The following ADAMTSL1 variants were observed in gnomAD, a reference collection of about 807,000 sequenced individuals.
ADAMTSL1 encodes the protein ADAMTS-like protein 1.
Under a neutral mutation model 201.8 loss-of-function variants are expected in ADAMTSL1, and 126 were observed. The ratio of observed to expected loss-of-function variants is 0.62; its 90% CI spans 0.54 to 0.72. The LOEUF (loss-of-function observed/expected upper bound fraction) is 0.72. Ranked by LOEUF, ADAMTSL1 falls within the 30% of genes least tolerant of loss-of-function variation. The pLI is 0.00. For synonymous variants in ADAMTSL1, 1,121 were observed against 903.4 expected (o/e 1.24, Z -4.32); for missense variants, 2,679 against 2,277.8 (o/e 1.18, Z -3.59).
intron 2 of ADAMTSL1, among the ~76,000 whole-genome samples, chr9:18,337,030 G>C (rs531722962): frequency 1.3e-5 from 2 of 152,194 alleles, no homozygotes; most frequent in African/African-American, 2.4e-5. Context: ...TGGATTGAAG[G>C]CTGCAAAGTA....
intron 1 of ADAMTSL1, among the ~76,000 whole-genome samples, chr9:17,977,691 T>G (rs117507405): frequency 7.9e-4 from 120 of 152,240 alleles, no homozygotes; most frequent in Non-Finnish European, 1.4e-3. Context: ...TTCTCTTTTT[T>G]TCTTAGTCTA....
chr9:18,109,733 A>C (rs1207679748), intron 1 of ADAMTSL1, among the ~76,000 whole-genome samples: 1 of 152,052 alleles, frequency 6.6e-6, no homozygotes, highest in Non-Finnish European at 1.5e-5. Context: ...CGGAACTTGA[A>C]CCCAATGTCC....
chr9:18,626,850 T>A (rs1564099540), intron 5 of ADAMTSL1, among the ~76,000 whole-genome samples: 15 of 133,156 alleles, frequency 1.1e-4, no homozygotes, highest in Admixed American at 6.6e-4. Context: ...TTTCTTTCTT[T>A]CTTTCTTTCT....
intron 4 of ADAMTSL1, among the ~76,000 whole-genome samples, chr9:18,592,630 T>C (rs1478636482): frequency 1.3e-5 from 2 of 152,208 alleles, no homozygotes; most frequent in African/African-American, 4.8e-5. Flanking sequence ...TATATCTCTG[T>C]AGTAAAATTT....
At position 18,328,356 on chromosome 9, in the gene ADAMTSL1, T is replaced by A. The variant is rs564032775; in HGVS notation, c.207+164375T>A. On this transcript the variant is annotated intron_variant, in intron 2 of 29. Coordinates refer to the ADAMTSL1 transcript ENST00000680146. ...AGTTATTTTCCTGTTTGTCTCTTTT[T>A]CTATATTCAATGTCCCTGAGGACAT... 9.3e-4 allele frequency among the ~76,000 whole-genome samples: 142 copies of A among 152,366 alleles called. No homozygotes were observed. In the Middle Eastern group the frequency reaches 0.014, roughly 15 times the overall value.
chr9:18,644,453 T>C (rs557439472), intron 7 of ADAMTSL1, among the ~76,000 whole-genome samples: 3 of 152,212 alleles, frequency 2.0e-5, no homozygotes, highest in Non-Finnish European at 2.9e-5. Flanking sequence ...TAGTTACATA[T>C]GTATACATGT....
At chr9:18,318,961 C>T (rs1293643562) in intron 2 of ADAMTSL1, among the ~76,000 whole-genome samples, 1 of 152,160 alleles carries the variant, frequency 6.6e-6, no homozygotes, top group Non-Finnish European at 1.5e-5. Context: ...GTAATCCTAA[C>T]ACTTTGGGAG....
At chr9:18,366,366 G>C (rs763713950) in intron 2 of ADAMTSL1, among the ~76,000 whole-genome samples, 1 of 151,044 alleles carries the variant, frequency 6.6e-6, no homozygotes, top group African/African-American at 2.4e-5. Context: ...CGTGTGCCTT[G>C]GGTTATTTTT....
intron 1 of ADAMTSL1, among the ~76,000 whole-genome samples, chr9:18,019,838 TAG>T (rs1465901909): frequency 6.6e-6 from 1 of 151,840 alleles, no homozygotes; most frequent in African/African-American, 2.4e-5. Context: ...ACTTATAGAG[TAG>T]AGTCCAAAGC....
rs556028273 is a variant in ADAMTSL1 at position 18,502,718 on chromosome 9, G to C, written c.64-2111G>C. Among the ~76,000 whole-genome samples the C allele has an allele frequency of 2.6e-5, 4 of 152,238 alleles. No individual in the cohort carries two copies. In the East Asian group the frequency reaches 7.7e-4, roughly 29 times the overall value. Reference sequence around the variant, plus strand: ...CCACATTTTATAGGAACATAAAACTGCTAGCAGATTACATCACCAGGCAGA... The same window carrying C: ...CCACATTTTATAGGAACATAAAACTCCTAGCAGATTACATCACCAGGCAGA... On this transcript the variant is annotated intron_variant, in intron 1 of 28. Transcript: ENST00000380548.
At position 18,829,970 on chromosome 9, in the gene ADAMTSL1, T is replaced by C. The variant is rs1292356443; in HGVS notation, c.4242T>C (p.Ala1414=). Residue 1414 remains alanine, a synonymous_variant, in exon 23 of 29, where the codon GCT becomes GCC. Transcript: ENST00000380548. Reference sequence around the variant, plus strand: ...TGGTCCTGGATCCTGGGAATTCTGCTCTCCTTGGTGAGTCTAACCCTCGGA... The same window carrying C: ...TGGTCCTGGATCCTGGGAATTCTGCCCTCCTTGGTGAGTCTAACCCTCGGA... ...TQLVLDPGNS[A]LLGCPIKGHP... 6.2e-7 allele frequency: 1 copy of C among 1,610,064 alleles called. No homozygotes were observed. Among genetic ancestry groups the C allele is most frequent in the Admixed American group, 1.7e-5 (1 of 59,324 alleles).
intron 2 of ADAMTSL1, among the ~76,000 whole-genome samples, chr9:18,315,155 T>C (rs894614023): frequency 3.3e-5 from 5 of 152,122 alleles, no homozygotes; most frequent in African/African-American, 7.2e-5. Context: ...AGGGTGCTGA[T>C]TGGTGCATTT....
intron 2 of ADAMTSL1, among the ~76,000 whole-genome samples, chr9:18,348,058 C>T (rs1394170401): frequency 6.6e-6 from 1 of 152,188 alleles, no homozygotes; most frequent in Admixed American, 6.6e-5. Flanking sequence ...TTAAAAGCTT[C>T]CTTCCAAAAT....
chr9:18,845,153 C>T (rs187527073), intron 23 of ADAMTSL1, among the ~76,000 whole-genome samples: 14 of 152,344 alleles, frequency 9.2e-5, no homozygotes, highest in Admixed American at 1.3e-4. Context: ...GAGCTGTAGA[C>T]CGGAGCTGTT....
intron 1 of ADAMTSL1, among the ~76,000 whole-genome samples, chr9:18,151,268 G>A (rs1256304342): frequency 6.6e-6 from 1 of 152,066 alleles, no homozygotes; most frequent in Non-Finnish European, 1.5e-5. Context: ...AATGTGGGGG[G>A]AGTAAATGTC....
chr9:18,152,516 A>T (rs1022516331), intron 1 of ADAMTSL1, among the ~76,000 whole-genome samples: 6 of 152,034 alleles, frequency 3.9e-5, no homozygotes, highest in African/African-American at 1.4e-4. Context: ...GCCCATTGAC[A>T]GAGTCCTGGG....
At chr9:18,527,387 G>T (rs1819149256) in intron 2 of ADAMTSL1, among the ~76,000 whole-genome samples, 1 of 152,212 alleles carries the variant, frequency 6.6e-6, no homozygotes, top group Non-Finnish European at 1.5e-5. Flanking sequence ...ATTGACATCA[G>T]GTATAAGTCT....
At chr9:18,676,730 A>C (rs1412523622) in intron 10 of ADAMTSL1, among the ~76,000 whole-genome samples, 1 of 152,218 alleles carries the variant, frequency 6.6e-6, no homozygotes, top group South Asian at 2.1e-4. Context: ...GCTGCTATTT[A>C]GAACCAAGGG....
chr9:18,500,065 G>A (rs1262897902), intron 1 of ADAMTSL1, among the ~76,000 whole-genome samples: 1 of 152,214 alleles, frequency 6.6e-6, no homozygotes, highest in Non-Finnish European at 1.5e-5. Context: ...CAATGAAAGA[G>A]GCTATGGATA....
Sources: gnomAD v4.1 joint callset for allele counts (sites outside exome capture counted in the v4.1 genomes callset) on GRCh38, gnomAD v4.1.1 for gene constraint, MANE v1.5 for transcripts, NCBI Gene and HGNC (gene_info 2026-07-23, HGNC 2026-07-21) for gene names.